Variants in TRPV4 observed in about 807,000 individuals in gnomAD.
TRPV4 encodes OSM9-like transient receptor potential channel 4.
A neutral mutation model predicts 84.1 loss-of-function variants in TRPV4; 58 were observed. The ratio of observed to expected loss-of-function variants is 0.69; its 90% CI spans 0.56 to 0.86. The LOEUF is 0.86. TRPV4 is among the 40% of genes least tolerant of loss of function. The probability of loss-of-function intolerance (pLI) is 0.00; values close to 1 mark genes in which losing one functional copy is unlikely to be tolerated. For synonymous variants in TRPV4, 489 were observed against 500.9 expected, an observed-to-expected ratio of 0.98 and a Z score of 0.32; for missense variants, 879 against 1,181.1, an observed-to-expected ratio of 0.74 and a Z score of 3.75.
In TRPV4 at chr12:109,783,325, T is replaced by C. The variant is rs927451645; in HGVS notation, c.*296A>G. The C allele has an allele frequency of 1.2e-4, 43 of 361,672 alleles. No homozygotes were observed. Among genetic ancestry groups the C allele is most frequent in the Non-Finnish European group, 1.8e-4 (37 of 200,028 alleles). 22.4% of individuals were successfully genotyped at this position (361,672 alleles called of 1,614,324 possible). A position where few individuals can be genotyped will look rare whatever the true frequency, so the allele number is the denominator to read the frequency against. On this transcript the variant is annotated 3_prime_UTR_variant, in exon 16 of 16. Coordinates refer to ENST00000261740, the MANE Select transcript of TRPV4 (RefSeq NM_021625.5). The surrounding 1 kb of genome is among the most constrained non-coding windows in gnomAD (Gnocchi z 4.6). ...CAGCTGGGGCAGGGGTCACGTCGCT[T>C]CCTGAGAGCAGAGCAAATAAATAAT...
intron 1 of TRPV4, among the ~76,000 whole-genome samples, chr12:109,828,519 C>A (rs1892328580): frequency 6.6e-6 from 1 of 152,202 alleles, no homozygotes; most frequent in Non-Finnish European, 1.5e-5. Context: ...AGAGCAGCAG[C>A]CAGAATAACC....
chr12:109,783,473 A>C lies in TRPV4; in HGVS notation c.*148T>G. 9.0e-7 allele frequency: 1 copy of C among 1,108,590 alleles called. No homozygotes were observed. The highest frequency in any genetic ancestry group is 1.2e-6 in the Non-Finnish European group (1 of 801,208). 68.7% of individuals were successfully genotyped at this position (1,108,590 alleles called of 1,614,324 possible). A position where few individuals can be genotyped will look rare whatever the true frequency, so the allele number is the denominator to read the frequency against. On this transcript the variant is annotated 3_prime_UTR_variant, in exon 16 of 16. Transcript: ENST00000261740. This position sits in a 1 kb window ranked among gnomAD's most constrained non-coding sequence, Gnocchi z 4.6. ...GGTGGGGAGGCAGAGCCAGGGGACCACAGGGTCCTGGGGCCTCCCTGGCAC... is the reference window on the plus strand; with the variant it reads ...GGTGGGGAGGCAGAGCCAGGGGACCCCAGGGTCCTGGGGCCTCCCTGGCAC...
At chr12:109,827,857 T>C (rs1050283978) in intron 1 of TRPV4, among the ~76,000 whole-genome samples, 26 of 150,744 alleles carry the variant, frequency 1.7e-4, no homozygotes, top group African/African-American at 6.4e-4. Context: ...CATATAGACA[T>C]ACATATACAC....
chr12:109,825,002 G>A (rs780007115), intron 1 of TRPV4, among the ~76,000 whole-genome samples: 3 of 151,872 alleles, frequency 2.0e-5, no homozygotes, highest in Non-Finnish European at 2.9e-5. Context: ...GGGTTAAGCC[G>A]TATTTGCTCC....
rs746618734 is a variant in TRPV4, at chr12:109,814,770, G to A, written c.27C>T (p.Arg9=). Residue 9 remains arginine (R), a synonymous_variant, in exon 2 of 16, where the codon CGC becomes CGT. Transcript: ENST00000261740. This position sits in a 1 kb window ranked among gnomAD's most constrained non-coding sequence, Gnocchi z 5.4. The part of the protein sequence containing the change: MADSSEGP[R]AGPGEVAELP... ...GCTCAGCCACCTCCCCGGGCCCCGC[G>A]CGGGGGCCTTCGCTGGAATCCGCCA... 23 of 1,553,162 alleles carry A rather than the reference G, an allele frequency of 1.5e-5. No individual in the cohort carries two copies. Among genetic ancestry groups the A allele is most frequent in the South Asian group, 1.2e-4 (10 of 85,084 alleles).
intron 1 of TRPV4, among the ~76,000 whole-genome samples, chr12:109,822,337 C>T (rs550488493): frequency 6.6e-4 from 100 of 152,234 alleles, no homozygotes; most frequent in African/African-American, 2.3e-3. Flanking sequence ...TTTGGGGGCC[C>T]CCACTTCCTG....
intron 7 of TRPV4, among the ~76,000 whole-genome samples, chr12:109,794,744 G>A (rs762474019): frequency 3.9e-5 from 6 of 152,180 alleles, no homozygotes; most frequent in Non-Finnish European, 7.3e-5. Flanking sequence ...CAGGCCGGCC[G>A]CAGTGGCTCA....
At chr12:109,794,171 A>G (rs1890234325) in intron 8 of TRPV4, 149 bp from the exon 9 acceptor site, 1 of 1,175,752 alleles carries the variant, frequency 8.5e-7, no homozygotes, top group East Asian at 2.5e-5. Flanking sequence ...CTCCCAGCTC[A>G]GGGCCACCCG....
At chr12:109,791,823 C>A (rs559597387) in intron 12 of TRPV4, among the ~76,000 whole-genome samples, 219 of 151,934 alleles carry the variant, frequency 1.4e-3, no homozygotes, top group African/African-American at 4.7e-3. Flanking sequence ...GTTATTTAAC[C>A]CTCCTAAGCC....
intron 1 of TRPV4, among the ~76,000 whole-genome samples, chr12:109,820,514 C>CTTTTTTTTTT (rs1186445597): frequency 0.026 from 3,137 of 122,570 alleles, 410 homozygotes; most frequent in East Asian, 0.11. Context: ...TTCAGCTGCC[C>CTTTTTTTTTT]TATTTTTTTT....
intron 2 of TRPV4, among the ~76,000 whole-genome samples, chr12:109,810,086 A>T (rs1891428864): frequency 6.6e-6 from 1 of 152,196 alleles, no homozygotes; most frequent in Admixed American, 6.5e-5. Context: ...AAAGGAAGGA[A>T]ACAGACACTA....
At chr12:109,788,820 C>T (rs1249022315) in intron 12 of TRPV4, 104 bp from the exon 13 acceptor site, 4 of 1,354,796 alleles carry the variant, frequency 3.0e-6, no homozygotes, top group Non-Finnish European at 4.1e-6. Flanking sequence ...GCCTAGTGAG[C>T]GGAGCACGCT....
intron 3 of TRPV4, among the ~76,000 whole-genome samples, chr12:109,804,546 C>T (rs1025859821): frequency 4.6e-5 from 7 of 152,186 alleles, no homozygotes; most frequent in Non-Finnish European, 2.9e-5. Context: ...ATAAATATTA[C>T]TGTTGCTGTT....
At chr12:109,830,446 C>G (rs1892380291) in intron 1 of TRPV4, among the ~76,000 whole-genome samples, 1 of 152,162 alleles carries the variant, frequency 6.6e-6, no homozygotes, top group Non-Finnish European at 1.5e-5. Flanking sequence ...TTAATGCAAC[C>G]CAGGGTTGGC....
intron 12 of TRPV4, 93 bp downstream of exon 12, chr12:109,792,265 AGAACT>A: frequency 1.2e-6 from 1 of 825,020 alleles, no homozygotes; most frequent in Non-Finnish European, 1.9e-6. Flanking sequence ...AAAAAAAAAA[AGAACT>A]CAGCAAGGCT....
At chr12:109,811,076 C>A (rs1201416508) in intron 2 of TRPV4, among the ~76,000 whole-genome samples, 3 of 152,194 alleles carry the variant, frequency 2.0e-5, no homozygotes, top group Non-Finnish European at 1.5e-5. Context: ...TCTCCACCTA[C>A]AACACCCTTC....
rs368996776 is a variant in TRPV4, at chr12:109,814,385, C to G, written c.386+26G>C. ...TGAATGGATACAGAGGAGGAGACCA[C>G]AGGCCAGGAAGCTAACAATACTCAC... On this transcript the variant is annotated intron_variant, in intron 2 of 15. Transcript: ENST00000261740. The surrounding 1 kb of genome is among the most constrained non-coding windows in gnomAD (Gnocchi z 5.4). 1,539 of 1,611,430 alleles carry G rather than the reference C, an allele frequency of 9.6e-4. 2 individuals carry two copies. The highest frequency in any genetic ancestry group is 1.2e-3 in the Non-Finnish European group (1,451 of 1,179,052).
chr12:109,783,445 C>T lies in TRPV4; in HGVS notation c.*176G>A. 1.2e-6 allele frequency: 1 copy of T among 818,562 alleles called. No homozygotes were observed. Among genetic ancestry groups the T allele is most frequent in the Non-Finnish European group, 1.8e-6 (1 of 542,320 alleles). 50.7% of individuals were successfully genotyped at this position (818,562 alleles called of 1,614,324 possible). A position where few individuals can be genotyped will look rare whatever the true frequency, so the allele number is the denominator to read the frequency against. ...GACAGGTGGCCGGGAGCCCCCACCC[C>T]AGGGTGGGGAGGCAGAGCCAGGGGA... On this transcript the variant is annotated 3_prime_UTR_variant, in exon 16 of 16. Transcript: ENST00000261740. This position sits in a 1 kb window ranked among gnomAD's most constrained non-coding sequence, Gnocchi z 4.6.
chr12:109,817,235 G>A (rs185375940), intron 1 of TRPV4, among the ~76,000 whole-genome samples: 35 of 152,292 alleles, frequency 2.3e-4, no homozygotes, highest in Non-Finnish European at 3.1e-4. Flanking sequence ...AGGCATTGGC[G>A]GGAGGTGGAT....
Sources: allele counts gnomAD v4.1 joint callset (sites outside exome capture counted in the v4.1 genomes callset), GRCh38; gene constraint gnomAD v4.1.1; non-coding constraint Gnocchi (gnomAD v3.1); transcripts MANE v1.5; gene names NCBI Gene and HGNC (gene_info 2026-07-23, HGNC 2026-07-21).